SMAP1: variants seen among roughly 807,000 people sequenced by gnomAD.
SMAP1 encodes small ArfGAP 1, also known as stromal membrane-associated protein 1.
SMAP1 carries 24 observed loss-of-function variants against 58.5 expected under a neutral mutation model. That is an observed-to-expected ratio of 0.41 (90% CI 0.30 to 0.58). The LOEUF is 0.58. SMAP1 is among the 20% of genes least tolerant of loss of function. SMAP1 has a pLI of 0.29. For synonymous variants in SMAP1, 216 were observed against 196.6 expected, an observed-to-expected ratio of 1.10 and a Z score of -0.82; for missense variants, 563 against 566.3, an observed-to-expected ratio of 0.99 and a Z score of 0.06.
chr6:70,729,295 T>C (rs574552186), intron 1 of SMAP1, among the ~76,000 whole-genome samples: 3 of 151,856 alleles, frequency 2.0e-5, no homozygotes, highest in East Asian at 1.9e-4. Context: ...AAAAATTAGC[T>C]GGGCGAAGTG....
At chr6:70,685,484 G>C (rs1766899665) in intron 1 of SMAP1, among the ~76,000 whole-genome samples, 3 of 152,250 alleles carry the variant, frequency 2.0e-5, no homozygotes, top group South Asian at 4.1e-4. Flanking sequence ...AAATCACCAA[G>C]AATGGGGGCT....
chr6:70,808,902 C>CTGTGTGTGTG lies in SMAP1; in HGVS notation c.576+10195_576+10204dup, dbSNP rs35577736. ...TTTATTTCTAGTGCAGGCTGTTTCCCTGTGTGTGTGTGTGTGTGTGTGTGT... is the reference window on the plus strand; with the variant it reads ...TTTATTTCTAGTGCAGGCTGTTTCCCTGTGTGTGTGTGTGTGTGTGTGTGTGTGTGTGTGT... On this transcript the variant is annotated intron_variant, in intron 6 of 10. Transcript: ENST00000370455. Among the ~76,000 whole-genome samples, 363 of 144,762 alleles carry CTGTGTGTGTG rather than the reference C, an allele frequency of 2.5e-3. 6 individuals carry two copies. The East Asian group carries it at 0.036, about 14-fold the overall frequency. The allele number at this position is 144,762 out of a possible 152,430, so 95.0% of individuals were successfully genotyped here.
At chr6:70,841,353 C>G (rs533623708) in intron 7 of SMAP1, among the ~76,000 whole-genome samples, 31 of 152,302 alleles carry the variant, frequency 2.0e-4, no homozygotes, top group African/African-American at 7.5e-4. Flanking sequence ...TACCCACAGT[C>G]CTACCAGACA....
rs1771659538 is a variant in SMAP1, at chr6:70,860,312, T to C, written c.1382T>C (p.Leu461Pro). The C allele has an allele frequency of 6.2e-7, 1 of 1,612,294 alleles. No individual in the cohort carries two copies. The highest frequency in any genetic ancestry group is 8.5e-7 in the Non-Finnish European group (1 of 1,179,442). Reference sequence around the variant, plus strand: ...TCTGGAAGCTCATCAGGTCAGACTCTCAGCACACAACTGTGGAAATGAAAA... The same window carrying C: ...TCTGGAAGCTCATCAGGTCAGACTCCCAGCACACAACTGTGGAAATGAAAA... The part of the protein sequence containing the change: ...GWSGSSSGQT[L>P]STQLWK The change falls in exon 11 of 11, where the codon CTC becomes CCC. Residue 461 changes from leucine (L) to proline (P), a missense_variant. Transcript: ENST00000370455.
chr6:70,767,456 G>T (rs987635512), intron 3 of SMAP1, among the ~76,000 whole-genome samples: 2 of 152,060 alleles, frequency 1.3e-5, no homozygotes, highest in Non-Finnish European at 2.9e-5. Flanking sequence ...ACTTGAAGAG[G>T]TCCTTCACAT....
At position 70,760,879 on chromosome 6, in the gene SMAP1, T is replaced by TG; in HGVS notation, c.338+5814_338+5815insG. On this transcript the variant is annotated intron_variant, in intron 3 of 10. Coordinates refer to ENST00000370455, the MANE Select transcript of SMAP1 (RefSeq NM_001044305.3). ...AATTTCTAATGTGGGATGTGGTTAA[T>TG]TATAGGCTGCATGTCCTAGTGCATG... Among the ~76,000 whole-genome samples the TG allele has an allele frequency of 2.0e-5, 3 of 152,200 alleles. No homozygotes were observed. In the Middle Eastern group the frequency reaches 0.01, roughly 518 times the overall value.
rs1771722584 is a variant in SMAP1, at chr6:70,861,428, T to C, written c.*1094T>C. The C allele has an allele frequency of 3.9e-6, 2 of 508,130 alleles. No individual in the cohort carries two copies. Among genetic ancestry groups the C allele is most frequent in the East Asian group, 6.5e-5 (2 of 30,786 alleles). The allele number at this position is 508,130 out of a possible 1,614,324, so 31.5% of individuals were successfully genotyped here. A position where few individuals can be genotyped will look rare whatever the true frequency, so the allele number is the denominator to read the frequency against. On this transcript the variant is annotated 3_prime_UTR_variant, in exon 11 of 11. Coordinates refer to ENST00000370455, the MANE Select transcript of SMAP1 (RefSeq NM_001044305.3). ...ACAAAAAAATCTTCCAATTTAGTTG[T>C]TGTAGAGAAAACATGCAGAACAAAT...
At chr6:70,837,877 T>G (rs1339716787) in intron 7 of SMAP1, 2 of 1,225,362 alleles carry the variant, frequency 1.6e-6, no homozygotes, top group Non-Finnish European at 2.1e-6. Context: ...TGATCCTAGT[T>G]GTTATTGAAT....
At chr6:70,856,837 C>CTTAT (rs758249313) in intron 8 of SMAP1, 22 bp from the exon 9 acceptor site, 7 of 1,577,394 alleles carry the variant, frequency 4.4e-6, no homozygotes, top group South Asian at 2.4e-5. Flanking sequence ...AATTTGATAG[C>CTTAT]TTATTTTGGT....
chr6:70,742,255 C>T (rs1452064886), intron 2 of SMAP1, among the ~76,000 whole-genome samples: 2 of 152,168 alleles, frequency 1.3e-5, no homozygotes, highest in East Asian at 1.9e-4. Flanking sequence ...TTTTAGGCTC[C>T]GTTTCCCCTT....
chr6:70,739,996 T>A (rs1276108729), intron 2 of SMAP1, among the ~76,000 whole-genome samples: 1 of 152,170 alleles, frequency 6.6e-6, no homozygotes, highest in Non-Finnish European at 1.5e-5. Flanking sequence ...TGTTTTTTCA[T>A]CACATACATG....
intron 10 of SMAP1, chr6:70,859,129 C>A: frequency 2.2e-6 from 1 of 459,468 alleles, no homozygotes; most frequent in Non-Finnish European, 3.9e-6. Context: ...CTAACATTAG[C>A]ACAATCACTA....
rs772567994 is a variant in SMAP1, at chr6:70,860,350, T to C, written c.*16T>C. The C allele has an allele frequency of 7.5e-6, 12 of 1,599,158 alleles. No homozygotes were observed. The Admixed American group carries it at 1.9e-4, about 26-fold the overall frequency. ...GTGGAAATGAAAACTGCAATACAAG[T>C]TTCATCCAGAACTACCACCTGACAT... On this transcript the variant is annotated 3_prime_UTR_variant, in exon 11 of 11. Transcript: ENST00000370455.
intron 6 of SMAP1, among the ~76,000 whole-genome samples, chr6:70,830,285 G>C (rs1451579138): frequency 3.9e-5 from 6 of 152,172 alleles, no homozygotes; most frequent in African/African-American, 1.4e-4. Flanking sequence ...TGTCTGAGAT[G>C]AATGTGAGGT....
chr6:70,756,896 A>C (rs1341086824), intron 3 of SMAP1, among the ~76,000 whole-genome samples: 30 of 147,882 alleles, frequency 2.0e-4, no homozygotes, highest in Non-Finnish European at 2.7e-4. Flanking sequence ...AGAACATTCC[A>C]TGCTCATGGG....
At chr6:70,825,525 T>A (rs1213546149) in intron 6 of SMAP1, among the ~76,000 whole-genome samples, 1 of 152,182 alleles carries the variant, frequency 6.6e-6, no homozygotes, top group African/African-American at 2.4e-5. Context: ...TAGCCACTCC[T>A]GTTGGGTTTA....
chr6:70,758,378 G>T (rs1364659093), intron 3 of SMAP1, among the ~76,000 whole-genome samples: 1 of 116,604 alleles, frequency 8.6e-6, no homozygotes, highest in Non-Finnish European at 1.7e-5. Flanking sequence ...GGTGGGGTGG[G>T]GGGAGGGGGG....
chr6:70,819,328 GAAA>G (rs61400090), intron 6 of SMAP1, among the ~76,000 whole-genome samples: 1 of 142,772 alleles, frequency 7.0e-6, no homozygotes. Flanking sequence ...ATGTAAGGGT[GAAA>G]AAAAAAAAAG....
rs555095319 is a variant in SMAP1 at position 70,791,157 on chromosome 6, T to C, written c.415-532T>C. Among the ~76,000 whole-genome samples the C allele has an allele frequency of 1.6e-3, 249 of 152,352 alleles. 1 individual carries two copies. The highest frequency in any genetic ancestry group is 5.6e-3 in the African/African-American group (233 of 41,582). On this transcript the variant is annotated intron_variant, in intron 4 of 10. Transcript: ENST00000370455. The stretch of plus-strand genomic sequence containing the variant: ...TCTGCTGCTCAGCTGTTATATTACA[T>C]TAATCTGCTCTTCTTTTCTCCTAGC...
Sources: allele counts gnomAD v4.1 joint callset (sites outside exome capture counted in the v4.1 genomes callset), GRCh38; gene constraint gnomAD v4.1.1; transcripts MANE v1.5; gene names NCBI Gene and HGNC (gene_info 2026-07-23, HGNC 2026-07-21).